The following LINGO2 variants were observed in gnomAD, a reference collection of about 807,000 sequenced individuals.
LINGO2 encodes the protein leucine-rich repeat and immunoglobulin-like domain-containing nogo receptor-interacting protein 2.
LINGO2 carries 14 observed loss-of-function variants against 30.6 expected under a neutral mutation model. The ratio of observed to expected loss-of-function variants is 0.46; its 90% CI spans 0.30 to 0.72. The LOEUF is 0.72. LINGO2 is among the 30% of genes least tolerant of loss of function. The pLI, the probability that LINGO2 is intolerant of heterozygous loss-of-function variation, is 0.07. For missense variants in LINGO2, 729 were observed against 751.7 expected, an observed-to-expected ratio of 0.97 and a Z score of 0.35; for synonymous variants, 317 against 288.5, an observed-to-expected ratio of 1.10 and a Z score of -1.00.
intron 3 of LINGO2, among the ~76,000 whole-genome samples, chr9:28,348,909 G>A (rs4314737): frequency 0.99 from 146,697 of 148,686 alleles, 72,354 homozygotes; most frequent in East Asian, 1. Context: ...CACATGGCAG[G>A]GTATTCCAAC....
intron 4 of LINGO2, among the ~76,000 whole-genome samples, chr9:28,238,423 A>G (rs1437439693): frequency 6.6e-6 from 1 of 152,208 alleles, no homozygotes; most frequent in Non-Finnish European, 1.5e-5. Flanking sequence ...AACATTCAAA[A>G]AAGTTCAGGA....
intron 4 of LINGO2, among the ~76,000 whole-genome samples, chr9:28,259,498 G>A (rs1312575259): frequency 3.9e-5 from 6 of 151,920 alleles, no homozygotes; most frequent in Non-Finnish European, 8.8e-5. Context: ...CTGAGTTGGT[G>A]AGCCATACAA....
At chr9:28,141,025 T>G (rs1297614201) in intron 4 of LINGO2, among the ~76,000 whole-genome samples, 1 of 151,962 alleles carries the variant, frequency 6.6e-6, no homozygotes, top group Non-Finnish European at 1.5e-5. Flanking sequence ...CAAACTATCT[T>G]AAGTCCAAAC....
chr9:28,361,513 T>C (rs1331815702), intron 3 of LINGO2, among the ~76,000 whole-genome samples: 2 of 152,102 alleles, frequency 1.3e-5, no homozygotes, highest in Non-Finnish European at 2.9e-5. Context: ...TTCTATTTCA[T>C]TTTATTATAT....
chr9:28,899,294 G>A, the LINGO2 span, among the ~76,000 whole-genome samples: 5 of 152,190 alleles, frequency 3.3e-5, no homozygotes, highest in Admixed American at 6.5e-5. Context: ...ACCAACATCA[G>A]TGCTGGGCTG....
chr9:28,259,388 T>A (rs1334483202), intron 4 of LINGO2, among the ~76,000 whole-genome samples: 1 of 151,976 alleles, frequency 6.6e-6, no homozygotes, highest in African/African-American at 2.4e-5. Context: ...AAGAAGGGCA[T>A]GGAAATAGTT....
intron 4 of LINGO2, among the ~76,000 whole-genome samples, chr9:28,284,559 T>C (rs1286814723): frequency 2.6e-5 from 4 of 152,312 alleles, no homozygotes; most frequent in South Asian, 4.1e-4. Flanking sequence ...TCAAAATTAA[T>C]GACAGTCTTT....
At chr9:28,054,268 C>G (rs1824814544) in intron 4 of LINGO2, among the ~76,000 whole-genome samples, 1 of 152,190 alleles carries the variant, frequency 6.6e-6, no homozygotes, top group Non-Finnish European at 1.5e-5. Flanking sequence ...TTTCACTTTT[C>G]TTACTCAGTT....
the LINGO2 span, among the ~76,000 whole-genome samples, chr9:28,723,278 T>C: frequency 6.6e-6 from 1 of 152,148 alleles, no homozygotes; most frequent in Admixed American, 6.6e-5. Context: ...TACTGAATTG[T>C]AATTCTTTAT....
At chr9:28,434,620 CT>C (rs1432049553) in intron 2 of LINGO2, among the ~76,000 whole-genome samples, 1 of 151,538 alleles carries the variant, frequency 6.6e-6, no homozygotes, top group African/African-American at 2.4e-5. Flanking sequence ...CAGAAGTCTT[CT>C]GTCTCAGTAT....
Position 28,355,551 on chromosome 9 carries a change from T to C in LINGO2, c.-246+17285A>G, listed in dbSNP as rs575926503. The stretch of plus-strand genomic sequence containing the variant: ...CCACTTCTGAGGTAACAACAAAAGC[T>C]TTCTCAAGGAGAACAAGTGAAGGTG... On this transcript the variant is annotated intron_variant, in intron 3 of 5. Coordinates refer to ENST00000379992, the Ensembl canonical transcript of LINGO2. 2.0e-5 allele frequency among the ~76,000 whole-genome samples: 3 copies of C among 152,188 alleles called. No homozygotes were observed. The South Asian group carries it at 6.2e-4, about 32-fold the overall frequency.
the LINGO2 span, among the ~76,000 whole-genome samples, chr9:28,955,389 A>G: frequency 1.3e-5 from 2 of 152,134 alleles, no homozygotes; most frequent in Non-Finnish European, 2.9e-5. Context: ...CTGATTGACT[A>G]TGGATGCATG....
At chr9:28,823,524 G>A in the LINGO2 span, among the ~76,000 whole-genome samples, 1 of 152,272 alleles carries the variant, frequency 6.6e-6, no homozygotes. Context: ...TTGATCACAA[G>A]AGTATGGCAG....
At chr9:28,580,964 G>C (rs945620680) in intron 1 of LINGO2, among the ~76,000 whole-genome samples, 8 of 151,914 alleles carry the variant, frequency 5.3e-5, no homozygotes, top group Non-Finnish European at 5.9e-5. Context: ...CTGCTCCCTA[G>C]TCACTTTAAA....
chr9:29,093,256 T>C, the LINGO2 span, among the ~76,000 whole-genome samples: 1 of 133,926 alleles, frequency 7.5e-6, no homozygotes, highest in African/African-American at 2.8e-5. Context: ...TAAAATATTA[T>C]AATTAATTCA....
At position 28,338,780 on chromosome 9, in the gene LINGO2, T is replaced by C. The variant is rs577552168; in HGVS notation, c.-246+34056A>G. ...GTTCCTGCTTCCCCTTCCACCATGA[T>C]TGTAAGTTTCCTGAGGCCTCCTCAG... On this transcript the variant is annotated intron_variant, in intron 3 of 5. Coordinates refer to ENST00000379992, the Ensembl canonical transcript of LINGO2. 3.9e-5 allele frequency among the ~76,000 whole-genome samples: 6 copies of C among 152,206 alleles called. No homozygotes were observed. In the East Asian group the frequency reaches 1.2e-3, roughly 29 times the overall value.
chr9:28,694,752 T>A, the LINGO2 span, among the ~76,000 whole-genome samples: 1 of 151,982 alleles, frequency 6.6e-6, no homozygotes, highest in African/African-American at 2.4e-5. Context: ...ATCTTTTCAC[T>A]GAATTAATTG....
intron 4 of LINGO2, among the ~76,000 whole-genome samples, chr9:28,189,755 C>G (rs1375422106): frequency 6.6e-6 from 1 of 151,484 alleles, no homozygotes; most frequent in East Asian, 1.9e-4. Flanking sequence ...AAGTTCACTG[C>G]TTTACTAGTG....
the LINGO2 span, among the ~76,000 whole-genome samples, chr9:28,936,973 G>C: frequency 6.6e-6 from 1 of 152,104 alleles, no homozygotes. Context: ...TTTTCTCTGT[G>C]TGCATACACT....
Sources: gnomAD v4.1 joint callset for allele counts (sites outside exome capture counted in the v4.1 genomes callset) on GRCh38, gnomAD v4.1.1 for gene constraint, MANE v1.5 for transcripts, NCBI Gene and HGNC (gene_info 2026-07-23, HGNC 2026-07-21) for gene names.